The following TMTC2 variants were observed in gnomAD, a reference collection of about 807,000 sequenced individuals.
TMTC2 encodes the protein transmembrane O-mannosyltransferase targeting cadherins 2.
Under a neutral mutation model 82.4 loss-of-function variants are expected in TMTC2, and 43 were observed. The observed-to-expected ratio is 0.52, with a 90% CI of 0.41 to 0.67. TMTC2 has a LOEUF of 0.67. Ranked by LOEUF, TMTC2 falls within the 30% of genes least tolerant of loss-of-function variation. The pLI is 0.00. For missense variants in TMTC2, 919 were observed against 1,012.4 expected (o/e 0.91, Z 1.25); for synonymous variants, 408 against 381.9 (o/e 1.07, Z -0.80).
intron 8 of TMTC2, among the ~76,000 whole-genome samples, chr12:83,016,370 G>C (rs1383627544): frequency 6.6e-6 from 1 of 152,168 alleles, no homozygotes; most frequent in Non-Finnish European, 1.5e-5. Flanking sequence ...GTCAGCGTAA[G>C]TATGCCTACT....
intron 3 of TMTC2, among the ~76,000 whole-genome samples, chr12:82,916,313 A>G (rs960995444): frequency 6.6e-5 from 10 of 152,210 alleles, no homozygotes; most frequent in African/African-American, 2.4e-4. Flanking sequence ...CCCTTTGGCC[A>G]GTCATTATAT....
chr12:82,767,969 G>C lies in TMTC2; in HGVS notation c.83+80300G>C, dbSNP rs117675158. On this transcript the variant is annotated intron_variant, in intron 1 of 11. Transcript: ENST00000321196. ...AGGTGAATTTAAGAATGTGCTTCCT[G>C]AAACAATTCGTTTCAAAAGTTTGTT... 9.9e-3 allele frequency among the ~76,000 whole-genome samples: 1,514 copies of C among 152,220 alleles called. 12 individuals are homozygous for C. The highest frequency in any genetic ancestry group is 0.031 in the Middle Eastern group (9 of 294).
intron 4 of TMTC2, among the ~76,000 whole-genome samples, chr12:82,933,966 G>A (rs1447951220): frequency 6.6e-6 from 1 of 152,040 alleles, no homozygotes; most frequent in African/African-American, 2.4e-5. Flanking sequence ...TATACAAAGA[G>A]TTATATTCCA....
intron 2 of TMTC2, 75 bp from the exon 3 acceptor site, chr12:82,895,743 T>TA (rs1318573532): frequency 7.6e-7 from 1 of 1,315,428 alleles, no homozygotes; most frequent in Non-Finnish European, 1.0e-6. Flanking sequence ...AAATGTATTT[T>TA]ATCTCTAAGT....
intron 11 of TMTC2, 34 bp downstream of exon 11, chr12:83,061,865 G>A: frequency 6.6e-7 from 1 of 1,509,442 alleles, no homozygotes; most frequent in Non-Finnish European, 9.0e-7. Context: ...CATTTTCAGA[G>A]GGATAGACTC....
At chr12:82,713,487 G>A (rs1472911192) in intron 1 of TMTC2, among the ~76,000 whole-genome samples, 1 of 152,168 alleles carries the variant, frequency 6.6e-6, no homozygotes, top group African/African-American at 2.4e-5. Context: ...CATGTGGCTG[G>A]GGAAGCCTCA....
At chr12:82,951,823 AT>A in intron 4 of TMTC2, among the ~76,000 whole-genome samples, 1 of 152,302 alleles carries the variant, frequency 6.6e-6, no homozygotes, top group South Asian at 2.1e-4. Flanking sequence ...TGCATCCTCT[AT>A]TAGTGCTTTT....
At chr12:82,730,118 T>C (rs536439126) in intron 1 of TMTC2, among the ~76,000 whole-genome samples, 7 of 152,132 alleles carry the variant, frequency 4.6e-5, no homozygotes, top group African/African-American at 1.2e-4. Context: ...GGCTTCATTC[T>C]TGAAGTCAGT....
intron 8 of TMTC2, among the ~76,000 whole-genome samples, chr12:82,991,010 C>T (rs1439815217): frequency 2.0e-5 from 3 of 152,098 alleles, no homozygotes; most frequent in Non-Finnish European, 2.9e-5. Flanking sequence ...ACAAGAGGGG[C>T]GTGCATCTCT....
chr12:82,732,492 G>A (rs759820481), intron 1 of TMTC2, among the ~76,000 whole-genome samples: 3 of 151,996 alleles, frequency 2.0e-5, no homozygotes, highest in Admixed American at 6.6e-5. Flanking sequence ...ACAGGCACCC[G>A]CCACCACGCT....
intron 2 of TMTC2, among the ~76,000 whole-genome samples, chr12:82,893,748 A>G (rs1873517967): frequency 6.6e-6 from 1 of 152,204 alleles, no homozygotes; most frequent in Non-Finnish European, 1.5e-5. Flanking sequence ...ATATCACCAT[A>G]AAGTGAGAAG....
chr12:82,713,094 C>T (rs376463279), intron 1 of TMTC2, among the ~76,000 whole-genome samples: 280 of 152,072 alleles, frequency 1.8e-3, no homozygotes, highest in African/African-American at 5.9e-3. Context: ...CCAAGGAGGG[C>T]GGATCATCTG....
At chr12:82,866,387 G>GA (rs1464469750) in intron 2 of TMTC2, among the ~76,000 whole-genome samples, 6 of 152,064 alleles carry the variant, frequency 3.9e-5, no homozygotes, top group Admixed American at 2.6e-4. Flanking sequence ...CAGGAAGATA[G>GA]AAAAAACATT....
chr12:82,788,173 T>G (rs1878277648), intron 1 of TMTC2, among the ~76,000 whole-genome samples: 1 of 152,106 alleles, frequency 6.6e-6, no homozygotes, highest in Admixed American at 6.6e-5. Flanking sequence ...AAATATGACT[T>G]AATAAAAATA....
intron 2 of TMTC2, among the ~76,000 whole-genome samples, chr12:82,885,074 T>TA (rs1295985388): frequency 1.3e-5 from 2 of 151,524 alleles, no homozygotes; most frequent in Non-Finnish European, 2.9e-5. Context: ...TTGTACTTTT[T>TA]TTTTTTTTTG....
Position 82,696,970 on chromosome 12 carries a change from A to ATATATATATATG in TMTC2, c.83+9312_83+9313insGTATATATATAT, listed in dbSNP as rs1209976151. Among the ~76,000 whole-genome samples the ATATATATATATG allele has an allele frequency of 8.6e-5, 13 of 150,536 alleles. No individual in the cohort carries two copies. In the East Asian group the frequency reaches 2.6e-3, roughly 30 times the overall value. Reference sequence around the variant, plus strand: ...TTTCTACATACATACATACGTATATATATATATATATATGTTTCTATTAAT... The same window carrying ATATATATATATG: ...TTTCTACATACATACATACGTATATATATATATATATGTATATATATATATGTTTCTATTAAT... On this transcript the variant is annotated intron_variant, in intron 1 of 11. Transcript: ENST00000321196.
chr12:82,705,976 A>G (rs1873332597), intron 1 of TMTC2, among the ~76,000 whole-genome samples: 2 of 152,128 alleles, frequency 1.3e-5, no homozygotes, highest in Non-Finnish European at 2.9e-5. Context: ...TTATGCTTGA[A>G]CTGACTCCTG....
At chr12:82,793,412 G>A (rs1479376930) in intron 1 of TMTC2, among the ~76,000 whole-genome samples, 1 of 143,202 alleles carries the variant, frequency 7.0e-6, no homozygotes, top group Non-Finnish European at 1.5e-5. Context: ...AGTTCTAAAT[G>A]TAGGGACAGA....
intron 1 of TMTC2, among the ~76,000 whole-genome samples, chr12:82,721,307 T>C (rs888362458): frequency 6.6e-6 from 1 of 152,202 alleles, no homozygotes; most frequent in African/African-American, 2.4e-5. Flanking sequence ...GGGACGAAGC[T>C]CATATTTTTG....
Sources: gnomAD v4.1 joint callset for allele counts (sites outside exome capture counted in the v4.1 genomes callset) on GRCh38, gnomAD v4.1.1 for gene constraint, MANE v1.5 for transcripts, NCBI Gene and HGNC (gene_info 2026-07-23, HGNC 2026-07-21) for gene names.